Variants in ELF4 observed in about 807,000 individuals in gnomAD.
ELF4 encodes the protein E74 like ETS transcription factor 4.
In ELF4, 10 loss-of-function variants were observed where a neutral mutation model predicts 31.7. The observed-to-expected ratio is 0.32, with a 90% CI of 0.19 to 0.54. The LOEUF is 0.54. Among genes scored for constraint, ELF4 ranks in the 20% least tolerant of loss-of-function variants. The pLI is 0.95. For missense variants in ELF4, 418 were observed against 522.0 expected, an observed-to-expected ratio of 0.80 and a Z score of 1.94; for synonymous variants, 208 against 226.7, an observed-to-expected ratio of 0.92 and a Z score of 0.74.
At chrX:130,085,632 G>A (rs938372254) in intron 1 of ELF4, among the ~76,000 whole-genome samples, 22 of 111,721 alleles carry the variant, frequency 2.0e-4, no homozygotes, top group African/African-American at 5.5e-4. Flanking sequence ...TGGCATTTTC[G>A]CACATGCCAG....
chrX:130,092,540 C>T (rs2039534571), intron 1 of ELF4, among the ~76,000 whole-genome samples: 1 of 112,561 alleles, frequency 8.9e-6, no homozygotes, highest in Non-Finnish European at 1.9e-5. Context: ...ACCACAAACC[C>T]TCTCCACAAA....
chrX:130,066,578 A>T lies in ELF4; in HGVS notation c.*143T>A. ...AGCTGGGCACTGTTTGGCCACAGTG[A>T]CACCAGGCAGGGCCGGGGGACTTGG... On this transcript the variant is annotated 3_prime_UTR_variant, in exon 9 of 9. Transcript: ENST00000308167. The T allele has an allele frequency of 1.6e-6, 1 of 632,676 alleles. No individual in the cohort carries two copies. Among genetic ancestry groups the T allele is most frequent in the South Asian group, 2.7e-5 (1 of 37,515 alleles). The allele number at this position is 632,676 out of a possible 1,213,427, so 52.1% of individuals were successfully genotyped here. A position where few individuals can be genotyped will look rare whatever the true frequency, so the allele number is the denominator to read the frequency against.
intron 1 of ELF4, among the ~76,000 whole-genome samples, chrX:130,101,166 G>C (rs1208381698): frequency 1.8e-5 from 2 of 112,345 alleles, no homozygotes; most frequent in African/African-American, 6.5e-5. Context: ...CTTCATTCTG[G>C]ATCAGGTCTA....
intron 1 of ELF4, among the ~76,000 whole-genome samples, chrX:130,101,931 G>GT (rs1206240724): frequency 1.8e-5 from 2 of 112,546 alleles, no homozygotes; most frequent in African/African-American, 3.2e-5. Flanking sequence ...GAGGTCAGGA[G>GT]TTTGAGACCA....
chrX:130,073,572 T>C (rs1932807124), intron 4 of ELF4, among the ~76,000 whole-genome samples: 1 of 112,310 alleles, frequency 8.9e-6, no homozygotes, highest in African/African-American at 3.2e-5. Flanking sequence ...AGTGCAATGG[T>C]GCGATCTCGG....
intron 4 of ELF4, among the ~76,000 whole-genome samples, chrX:130,073,574 C>T (rs1373293519): frequency 2.7e-5 from 3 of 109,743 alleles, no homozygotes; most frequent in African/African-American, 1.0e-4. Context: ...TGCAATGGTG[C>T]GATCTCGGCT....
rs1346668252 is a variant in ELF4 at position 130,066,082 on chromosome X, C to T, written c.*639G>A. On this transcript the variant is annotated 3_prime_UTR_variant, in exon 9 of 9. Transcript: ENST00000308167. ...CATCAAAGCGTTCCTACTCTGCACTCGTTCCAGCTCTACAACATCTCCAGA... is the reference window on the plus strand; with the variant it reads ...CATCAAAGCGTTCCTACTCTGCACTTGTTCCAGCTCTACAACATCTCCAGA... 7 of 173,926 alleles carry T rather than the reference C, an allele frequency of 4.0e-5. No individual in the cohort carries two copies. Among genetic ancestry groups the T allele is most frequent in the South Asian group, 3.1e-4 (1 of 3,225 alleles). 14.3% of individuals were successfully genotyped at this position (173,926 alleles called of 1,213,427 possible).
At chrX:130,088,152 C>T (rs1214856905) in intron 1 of ELF4, among the ~76,000 whole-genome samples, 1 of 110,866 alleles carries the variant, frequency 9.0e-6, no homozygotes, top group Non-Finnish European at 1.9e-5. Context: ...CACTTGAACT[C>T]AGGAGGCGGA....
At chrX:130,093,159 G>C (rs887092769) in intron 1 of ELF4, among the ~76,000 whole-genome samples, 1 of 110,491 alleles carries the variant, frequency 9.1e-6, no homozygotes, top group African/African-American at 3.3e-5. Flanking sequence ...CTGTCCCCCA[G>C]GTTGGAGTGC....
chrX:130,084,873 G>A (rs185686615), intron 1 of ELF4, among the ~76,000 whole-genome samples: 35 of 112,234 alleles, frequency 3.1e-4, no homozygotes, highest in Admixed American at 1.4e-3. Context: ...CCAGGAACCC[G>A]AAACCAAAGA....
In ELF4 at chrX:130,074,449, A is replaced by G; in HGVS notation, c.247+132T>C. The G allele has an allele frequency of 3.3e-6, 3 of 904,490 alleles. No homozygotes were observed. The African/African-American group carries it at 5.8e-5, about 18-fold the overall frequency. 74.5% of individuals were successfully genotyped at this position (904,490 alleles called of 1,213,427 possible). A position where few individuals can be genotyped will look rare whatever the true frequency, so the allele number is the denominator to read the frequency against. ...ACTAAGATGGTTCCCTCCTCTGTGA[A>G]GCAGCACAACTTTTTGGCTGGTGGA... On this transcript the variant is annotated intron_variant, in intron 3 of 8. Transcript: ENST00000308167.
At chrX:130,091,450 A>C (rs1312821368) in intron 1 of ELF4, among the ~76,000 whole-genome samples, 1 of 111,214 alleles carries the variant, frequency 9.0e-6, no homozygotes, top group African/African-American at 3.3e-5. Flanking sequence ...ATTTTTTCAA[A>C]TTTGTATTTA....
At chrX:130,076,579 C>T (rs766199426) in intron 2 of ELF4, among the ~76,000 whole-genome samples, 1 of 111,161 alleles carries the variant, frequency 9.0e-6, no homozygotes, top group South Asian at 3.8e-4. Context: ...TTACCGGCGC[C>T]TGCCACCATA....
intron 1 of ELF4, among the ~76,000 whole-genome samples, chrX:130,102,301 A>G (rs1444644046): frequency 2.7e-5 from 3 of 112,614 alleles, no homozygotes. Flanking sequence ...ACTTCAAACA[A>G]AAGCAAAGTT....
intron 1 of ELF4, among the ~76,000 whole-genome samples, chrX:130,082,460 G>A (rs1448934968): frequency 1.8e-5 from 2 of 112,121 alleles, no homozygotes; most frequent in Non-Finnish European, 3.8e-5. Flanking sequence ...GGAGAGCCCC[G>A]ACTGGAGGAG....
chrX:130,109,730 G>A (rs1933441243), intron 1 of ELF4, among the ~76,000 whole-genome samples: 1 of 112,892 alleles, frequency 8.9e-6, no homozygotes, highest in African/African-American at 3.2e-5. Flanking sequence ...GCACGGTGCG[G>A]CTGCTGAATC....
intron 1 of ELF4, among the ~76,000 whole-genome samples, chrX:130,102,952 A>G (rs987138337): frequency 0.012 from 584 of 49,135 alleles, 22 homozygotes; most frequent in African/African-American, 0.06. Flanking sequence ...GGAAGGAAGG[A>G]AGGGAGGGAG....
At chrX:130,075,278 CTT>C (rs751479115) in intron 2 of ELF4, among the ~76,000 whole-genome samples, 31 of 79,246 alleles carry the variant, frequency 3.9e-4, no homozygotes, top group African/African-American at 8.7e-4. Context: ...CAAGGGCAAG[CTT>C]TTTTTTTTTT....
Position 130,077,530 on chromosome X carries a change from G to A in ELF4, c.76-2778C>T, listed in dbSNP as rs756876602. Among the ~76,000 whole-genome samples the A allele has an allele frequency of 1.0e-3, 116 of 112,249 alleles. 1 individual carries two copies. The highest frequency in any genetic ancestry group is 1.5e-3 in the Non-Finnish European group (80 of 53,227). On this transcript the variant is annotated intron_variant, in intron 2 of 8. Transcript: ENST00000308167. ...AGGATGGTCTCAAATTCCTGACCTC[G>A]TGATCCGCCTGCGTTGGCCTCCCAA...
Sources: allele counts gnomAD v4.1 joint callset (sites outside exome capture counted in the v4.1 genomes callset), GRCh38; gene constraint gnomAD v4.1.1; transcripts MANE v1.5; gene names NCBI Gene and HGNC (gene_info 2026-07-23, HGNC 2026-07-21).